CELF2: variants seen among roughly 807,000 people sequenced by gnomAD.
CELF2 encodes the protein CUGBP Elav-like family member 2.
A neutral mutation model predicts 62.6 loss-of-function variants in CELF2; 8 were observed. The observed-to-expected ratio is 0.13, with a 90% CI of 0.07 to 0.23. CELF2 has a LOEUF of 0.23. CELF2 is among the 10% of genes least tolerant of loss of function. The pLI, the probability that CELF2 is intolerant of heterozygous loss-of-function variation, is 1.00. For missense variants in CELF2, 333 were observed against 671.0 expected, an observed-to-expected ratio of 0.50 and a Z score of 5.56; for synonymous variants, 258 against 250.0, an observed-to-expected ratio of 1.03 and a Z score of -0.30.
At chr10:10,745,308 A>G in the CELF2 span, among the ~76,000 whole-genome samples, 7 of 152,000 alleles carry the variant, frequency 4.6e-5, no homozygotes, top group African/African-American at 1.7e-4. Flanking sequence ...CATCACCTTG[A>G]TTTCTTACTA....
intron 7 of CELF2, among the ~76,000 whole-genome samples, chr10:11,271,424 G>C (rs2083722878): frequency 6.6e-6 from 1 of 152,104 alleles, no homozygotes; most frequent in Non-Finnish European, 1.5e-5. Context: ...ACAGTGACCA[G>C]AATTTAAGAC....
At position 10,947,478 on chromosome 10, in the gene CELF2, A is replaced by C. The variant is rs1449781726; in HGVS notation, c.89+27479A>C. ...TATGAAGGCAGGAATAGAAGGTAGC[A>C]TGAAACATCATTTGTAACTGGTGAT... On this transcript the variant is annotated intron_variant, in intron 2 of 13. Coordinates refer to the CELF2 transcript ENST00000636488. This position sits in a 1 kb window ranked among gnomAD's most constrained non-coding sequence, Gnocchi z 4.1. 6.5e-6 allele frequency: 1 copy of C among 152,674 alleles called. No individual in the cohort carries two copies. The highest frequency in any genetic ancestry group is 2.4e-5 in the African/African-American group (1 of 41,472). 9.5% of individuals were successfully genotyped at this position (152,674 alleles called of 1,614,324 possible).
rs113609276 is a variant in CELF2 at position 11,280,748 on chromosome 10, G to A, written c.841+5628G>A. On this transcript the variant is annotated intron_variant, in intron 8 of 12. Transcript: ENST00000633077. The surrounding 1 kb of genome is among the most constrained non-coding windows in gnomAD (Gnocchi z 7.6). The stretch of plus-strand genomic sequence containing the variant: ...CTGCCTGGCTGAGTGGACAGAGGCC[G>A]CTCTGGGTGGGGGAAACGGTGCCCT... 1.2e-4 allele frequency among the ~76,000 whole-genome samples: 18 copies of A among 152,208 alleles called. No homozygotes were observed. The highest frequency in any genetic ancestry group is 3.9e-4 in the Admixed American group (6 of 15,292).
upstream of CELF2, among the ~76,000 whole-genome samples, chr10:10,798,057 A>G (rs1411680455): frequency 6.6e-6 from 1 of 152,138 alleles, no homozygotes; most frequent in African/African-American, 2.4e-5. Context: ...TTCCTCCTTC[A>G]TGTTATTTAA....
the CELF2 span, among the ~76,000 whole-genome samples, chr10:10,785,641 A>G: frequency 6.6e-6 from 1 of 152,212 alleles, no homozygotes; most frequent in Non-Finnish European, 1.5e-5. Flanking sequence ...CAAACACTGC[A>G]TGGTCTCCCT....
chr10:10,975,265 G>A (rs2051194856), intron 2 of CELF2, among the ~76,000 whole-genome samples: 1 of 152,120 alleles, frequency 6.6e-6, no homozygotes, highest in Non-Finnish European at 1.5e-5. Flanking sequence ...CCACAGACAT[G>A]AGCCACTACG....
chr10:10,685,548 G>C, the CELF2 span, among the ~76,000 whole-genome samples: 246 of 152,296 alleles, frequency 1.6e-3, 1 homozygote, highest in African/African-American at 5.8e-3. Context: ...ATTTTAGATA[G>C]ATTGCAAAGT....
At chr10:11,133,296 C>T (rs1279835523) in intron 1 of CELF2, among the ~76,000 whole-genome samples, 1 of 152,166 alleles carries the variant, frequency 6.6e-6, no homozygotes, top group African/African-American at 2.4e-5. Flanking sequence ...ACATTTCTTA[C>T]TTTAGAATGG....
At chr10:10,610,600 A>G in the CELF2 span, among the ~76,000 whole-genome samples, 1 of 152,198 alleles carries the variant, frequency 6.6e-6, no homozygotes, top group Non-Finnish European at 1.5e-5. Context: ...AAACTCTTTG[A>G]GATTGGAAGT....
chr10:11,118,799 T>C (rs1187889955), intron 1 of CELF2, among the ~76,000 whole-genome samples: 1 of 152,160 alleles, frequency 6.6e-6, no homozygotes, highest in Non-Finnish European at 1.5e-5. Context: ...AGGAGTCACT[T>C]CTCTTGTCCT....
At chr10:11,096,372 A>G (rs899762926) in intron 1 of CELF2, 1 of 152,202 alleles carries the variant, frequency 6.6e-6, no homozygotes, top group Non-Finnish European at 1.5e-5. Context: ...GAATCCTTAC[A>G]CTTAGTGGCA....
chr10:10,505,157 C>T, the CELF2 span, among the ~76,000 whole-genome samples: 140,493 of 152,200 alleles, frequency 0.92, 65,131 homozygotes, highest in East Asian at 1. Flanking sequence ...ATTAATTAAT[C>T]ACAACTTTGG....
At chr10:11,213,796 A>G (rs1305942449) in intron 2 of CELF2, among the ~76,000 whole-genome samples, 3 of 152,248 alleles carry the variant, frequency 2.0e-5, no homozygotes, top group Non-Finnish European at 2.9e-5. Context: ...GCAAATTTTA[A>G]TAAAACTTAA....
rs1042219893 is a variant in CELF2 at position 10,931,588 on chromosome 10, G to A, written c.89+11589G>A. 9.2e-5 allele frequency among the ~76,000 whole-genome samples: 14 copies of A among 152,060 alleles called. No individual in the cohort carries two copies. Among genetic ancestry groups the A allele is most frequent in the Non-Finnish European group, 1.6e-4 (11 of 68,016 alleles). On this transcript the variant is annotated intron_variant, in intron 2 of 13. Transcript: ENST00000636488. This position sits in a 1 kb window ranked among gnomAD's most constrained non-coding sequence, Gnocchi z 6.1. ...CCCCTAATTCATCATTGGGCACCAC[G>A]GCACCCCTTCCAAAGTAAAGAAAAT...
chr10:10,918,880 G>A (rs1298805406), intron 1 of CELF2, among the ~76,000 whole-genome samples: 1 of 152,112 alleles, frequency 6.6e-6, no homozygotes, highest in Non-Finnish European at 1.5e-5. Context: ...TTGAAGTTGA[G>A]CCCTCCTCTC....
the CELF2 span, among the ~76,000 whole-genome samples, chr10:10,508,601 G>T: frequency 6.6e-6 from 1 of 151,936 alleles, no homozygotes; most frequent in Non-Finnish European, 1.5e-5. Context: ...CATACTGGTT[G>T]TGTGTATGTC....
intron 1 of CELF2, among the ~76,000 whole-genome samples, chr10:11,090,282 G>A (rs541736492): frequency 6.6e-6 from 1 of 152,166 alleles, no homozygotes; most frequent in South Asian, 2.1e-4. Context: ...CTTAGGAAAA[G>A]AGAGGATTTT....
chr10:10,551,064 C>G, the CELF2 span, among the ~76,000 whole-genome samples: 3 of 151,950 alleles, frequency 2.0e-5, no homozygotes, highest in Admixed American at 6.5e-5. Flanking sequence ...GGTTGCATGC[C>G]TCATTGATCT....
chr10:10,575,699 T>A, the CELF2 span, among the ~76,000 whole-genome samples: 1 of 152,172 alleles, frequency 6.6e-6, no homozygotes, highest in Non-Finnish European at 1.5e-5. Context: ...GGTCAACACA[T>A]CCAATTAAAA....
Sources: gnomAD v4.1 joint callset for allele counts (sites outside exome capture counted in the v4.1 genomes callset) on GRCh38, gnomAD v4.1.1 for gene constraint, Gnocchi (gnomAD v3.1) non-coding constraint, MANE v1.5 for transcripts, NCBI Gene and HGNC (gene_info 2026-07-23, HGNC 2026-07-21) for gene names.